DNAJA3: variants seen among roughly 807,000 people sequenced by gnomAD.
DNAJA3 encodes dnaJ homolog subfamily A member 3, mitochondrial.
In DNAJA3, 29 loss-of-function variants were observed where a neutral mutation model predicts 54.9. The observed-to-expected ratio is 0.53, with a 90% CI of 0.39 to 0.72. DNAJA3 has a LOEUF of 0.72. DNAJA3 is among the 30% of genes least tolerant of loss of function. The pLI is 0.00. For missense variants in DNAJA3, 708 were observed against 639.4 expected (o/e 1.11, Z -1.16); for synonymous variants, 302 against 251.4 (o/e 1.20, Z -1.90).
rs1039505948 is a variant in DNAJA3, at chr16:4,425,969, C to T, written c.88C>T (p.Pro30Ser). ...PAISGRGARP[P>S]REGVVGAWLS... ...TATATCGGGTAGAGGGGCCCGGCCG[C>T]CCAGGGAGGGCGTGGTGGGGGCATG... The change falls in exon 1 of 12, where the codon CCC (proline) becomes TCC (serine). Residue 30 changes from proline (P) to serine (S), a missense_variant. Coordinates refer to ENST00000262375, the MANE Select transcript of DNAJA3 (RefSeq NM_005147.6). The T allele has an allele frequency of 1.3e-6, 2 of 1,586,690 alleles. No homozygotes were observed. The highest frequency in any genetic ancestry group is 1.7e-6 in the Non-Finnish European group (2 of 1,168,234).
intron 7 of DNAJA3, 104 bp from the exon 8 acceptor site, chr16:4,446,782 G>T (rs1372010979): frequency 8.6e-6 from 12 of 1,387,680 alleles, no homozygotes; most frequent in Non-Finnish European, 1.0e-5. Context: ...TATGGAAGGG[G>T]TGTGTAGTTT....
chr16:4,447,145 A>T lies in DNAJA3; in HGVS notation c.1125+131A>T, dbSNP rs548569237. 1.1e-5 allele frequency: 12 copies of T among 1,131,790 alleles called. No individual in the cohort carries two copies. In the South Asian group the frequency reaches 1.1e-4, roughly 11 times the overall value. 70.1% of individuals were successfully genotyped at this position (1,131,790 alleles called of 1,614,324 possible). On this transcript the variant is annotated intron_variant, in intron 8 of 11. Transcript: ENST00000262375. The stretch of plus-strand genomic sequence containing the variant: ...TGGGGGGGCACTCACAGGGGAGGAC[A>T]TGAGGAATTTTAGGCTGCTCCTTGA...
intron 3 of DNAJA3, 109 bp from the exon 4 acceptor site, chr16:4,441,266 C>T (rs962979212): frequency 9.7e-7 from 1 of 1,030,374 alleles, no homozygotes; most frequent in Non-Finnish European, 1.4e-6. Context: ...TGTTTGCACA[C>T]AGGGCCACTT....
intron 5 of DNAJA3, 135 bp downstream of exon 5, chr16:4,442,555 C>G: frequency 9.0e-7 from 1 of 1,116,596 alleles, no homozygotes; most frequent in Non-Finnish European, 1.2e-6. Flanking sequence ...GTCTTTCCCC[C>G]GTGACCCTGA....
At position 4,448,748 on chromosome 16, in the gene DNAJA3, C is replaced by G. The variant is rs937749066; in HGVS notation, c.1141C>G (p.Gln381Glu). Residue 381 changes from glutamine to glutamate, a missense_variant, in exon 9 of 12, where the codon CAG becomes GAG. By Grantham distance (29) the Gln-to-Glu change is conservative (BLOSUM62 2). Transcript: ENST00000262375. ...TINVTIPPGT[Q>E]TDQKIRMGGK... ...TTCTTTATAGATCCCCCCTGGGACT[C>G]AGACAGACCAGAAGATTCGGATGGG... 1 of 1,613,822 alleles carries G rather than the reference C, an allele frequency of 6.2e-7. No individual in the cohort carries two copies. Among genetic ancestry groups the G allele is most frequent in the African/African-American group, 1.3e-5 (1 of 74,930 alleles).
Position 4,441,368 on chromosome 16 carries a change from A to C in DNAJA3, c.430-7A>C, listed in dbSNP as rs201926324. On this transcript the variant is annotated splice_region_variant and splice_polypyrimidine_tract_variant and intron_variant, in intron 3 of 11. Coordinates refer to ENST00000262375, the MANE Select transcript of DNAJA3 (RefSeq NM_005147.6). The stretch of plus-strand genomic sequence containing the variant: ...GGGATGCCCAGTGGCTCTGCCTTTC[A>C]CTGTAGGTTTTGAGTGATGAGGTGA... 30 of 1,608,764 alleles carry C rather than the reference A, an allele frequency of 1.9e-5. No individual in the cohort carries two copies. The African/African-American group carries it at 3.6e-4, about 19-fold the overall frequency.
chr16:4,436,647 T>G (rs1259452765), intron 2 of DNAJA3, among the ~76,000 whole-genome samples: 2 of 152,092 alleles, frequency 1.3e-5, no homozygotes, highest in Non-Finnish European at 2.9e-5. Context: ...GCAATTCTCC[T>G]GCCTCAGCCT....
chr16:4,437,072 G>A (rs2056780238), intron 2 of DNAJA3, among the ~76,000 whole-genome samples: 1 of 152,160 alleles, frequency 6.6e-6, no homozygotes, highest in African/African-American at 2.4e-5. Flanking sequence ...CCAGGTTCAA[G>A]TGATTCTCGT....
chr16:4,434,099 A>C, intron 1 of DNAJA3: 1 of 354,662 alleles, frequency 2.8e-6, no homozygotes, highest in Non-Finnish European at 5.1e-6. Context: ...GAATGAGCAA[A>C]AGGGTGAGCC....
intron 6 of DNAJA3, among the ~76,000 whole-genome samples, chr16:4,444,180 C>T (rs1243277646): frequency 6.6e-6 from 1 of 152,138 alleles, no homozygotes; most frequent in Non-Finnish European, 1.5e-5. Context: ...GTCTGTGTTG[C>T]ATCTCTGGAA....
At chr16:4,448,906 G>A in intron 9 of DNAJA3, 58 bp downstream of exon 9, 3 of 1,324,536 alleles carry the variant, frequency 2.3e-6, no homozygotes, top group Non-Finnish European at 3.2e-6. Flanking sequence ...CACTGCCCTT[G>A]GAGCTCTGTG....
intron 6 of DNAJA3, among the ~76,000 whole-genome samples, chr16:4,444,295 G>A (rs2056875017): frequency 6.6e-6 from 1 of 151,822 alleles, no homozygotes; most frequent in Non-Finnish European, 1.5e-5. Flanking sequence ...GGAAAGTGCT[G>A]TGGGAGGTCT....
intron 11 of DNAJA3, 148 bp from the exon 12 acceptor site, chr16:4,455,398 A>C: frequency 1.2e-6 from 1 of 854,906 alleles, no homozygotes; most frequent in Admixed American, 2.3e-5. Flanking sequence ...CTTGGGACCC[A>C]CTTTGGTTTA....
At chr16:4,434,267 C>A in intron 1 of DNAJA3, 117 bp from the exon 2 acceptor site, 2 of 1,222,624 alleles carry the variant, frequency 1.6e-6, no homozygotes, top group South Asian at 1.3e-5. Context: ...GGGGACACAG[C>A]CAAACCTTAT....
In DNAJA3 at chr16:4,442,133, G is replaced by A. The variant is rs577921164; in HGVS notation, c.631-135G>A. ...CAGTGAGTCCTACCTATGCTTACTTGGCAGAGTGCAAGTAAGTACAGTGGT... is the reference window on the plus strand; with the variant it reads ...CAGTGAGTCCTACCTATGCTTACTTAGCAGAGTGCAAGTAAGTACAGTGGT... On this transcript the variant is annotated intron_variant, in intron 4 of 11. Transcript: ENST00000262375. 1.0e-5 allele frequency: 9 copies of A among 875,600 alleles called. No individual in the cohort carries two copies. The South Asian group carries it at 2.1e-4, about 20-fold the overall frequency. The allele number at this position is 875,600 out of a possible 1,614,324, so 54.2% of individuals were successfully genotyped here. A position where few individuals can be genotyped will look rare whatever the true frequency, so the allele number is the denominator to read the frequency against.
chr16:4,445,882 G>C (rs2056896024), intron 7 of DNAJA3, among the ~76,000 whole-genome samples: 1 of 151,770 alleles, frequency 6.6e-6, no homozygotes, highest in Non-Finnish European at 1.5e-5. Flanking sequence ...ACTGGGTTGT[G>C]GGTATGACAT....
At chr16:4,439,074 C>T (rs375893985) in intron 3 of DNAJA3, among the ~76,000 whole-genome samples, 3 of 150,072 alleles carry the variant, frequency 2.0e-5, no homozygotes, top group South Asian at 2.1e-4. Flanking sequence ...CAGTGGCTTA[C>T]GTCTATAATC....
chr16:4,425,964 G>T lies in DNAJA3; in HGVS notation c.83G>T (p.Arg28Leu). 3 of 1,579,764 alleles carry T rather than the reference G, an allele frequency of 1.9e-6. No homozygotes were observed. Among genetic ancestry groups the T allele is most frequent in the Non-Finnish European group, 2.6e-6 (3 of 1,164,788 alleles). Residue 28 changes from arginine to leucine, a missense_variant, in exon 1 of 12, where the codon CGG becomes CTG. Transcript: ENST00000262375. Reference sequence around the variant, plus strand: ...CCGGCTATATCGGGTAGAGGGGCCCGGCCGCCCAGGGAGGGCGTGGTGGGG... The same window carrying T: ...CCGGCTATATCGGGTAGAGGGGCCCTGCCGCCCAGGGAGGGCGTGGTGGGG... ...RLPAISGRGA[R>L]PPREGVVGAW...
At chr16:4,455,342 C>A in intron 11 of DNAJA3, 1 of 628,642 alleles carries the variant, frequency 1.6e-6, no homozygotes, top group African/African-American at 1.8e-5. Flanking sequence ...CAGGGCTGTG[C>A]AAGCCTGGGG....
Sources: gnomAD v4.1 joint callset for allele counts (sites outside exome capture counted in the v4.1 genomes callset) on GRCh38, gnomAD v4.1.1 for gene constraint, MANE v1.5 for transcripts, NCBI Gene and HGNC (gene_info 2026-07-23, HGNC 2026-07-21) for gene names.